The following NFATC4 variants were observed in gnomAD, a reference collection of about 807,000 sequenced individuals.
The protein encoded by NFATC4 is nuclear factor of activated T-cells, cytoplasmic 4.
A neutral mutation model predicts 73.4 loss-of-function variants in NFATC4; 25 were observed. That is an observed-to-expected ratio of 0.34 (90% CI 0.25 to 0.48). NFATC4 has a LOEUF of 0.48. NFATC4 is among the 20% of genes least tolerant of loss of function. The pLI is 0.99. For missense variants in NFATC4, 1,130 were observed against 1,203.7 expected (o/e 0.94, Z 0.91); for synonymous variants, 523 against 510.3 (o/e 1.02, Z -0.34).
chr14:24,368,133 G>C (rs1258606291), upstream of NFATC4: 10 of 1,055,706 alleles, frequency 9.5e-6, no homozygotes, highest in Non-Finnish European at 1.1e-5. Context: ...GGACAGGCTG[G>C]GGGGGGGACC....
At position 24,368,456 on chromosome 14, in the gene NFATC4, G is replaced by A. The variant is rs2042366022; in HGVS notation, c.100+16G>A. On this transcript the variant is annotated intron_variant, in intron 1 of 9. Transcript: ENST00000250373. ...TTGGGGGAAGGTTAGTGCTGGGCTG[G>A]GAAGGGGTCTTGGGGTCAGTGAGAG... 1 of 1,301,640 alleles carries A rather than the reference G, an allele frequency of 7.7e-7. No homozygotes were observed. The highest frequency in any genetic ancestry group is 1.5e-5 in the African/African-American group (1 of 65,022). The allele number at this position is 1,301,640 out of a possible 1,614,324, so 80.6% of individuals were successfully genotyped here. A position where few individuals can be genotyped will look rare whatever the true frequency, so the allele number is the denominator to read the frequency against.
rs1354338237 is a variant in NFATC4 at position 24,372,661 on chromosome 14, A to G, written c.1359+58A>G. The G allele has an allele frequency of 4.4e-6, 7 of 1,597,472 alleles. No homozygotes were observed. In the East Asian group the frequency reaches 9.0e-5, roughly 20 times the overall value. ...CTCCTCTCCCAGATAGGTTCCAGCT[A>G]TGCAGACACATGGCACTGCCCTTTC... On this transcript the variant is annotated intron_variant, in intron 3 of 9. Transcript: ENST00000250373.
At chr14:24,367,174 C>T (rs974806451), upstream of NFATC4, 2 of 1,613,826 alleles carry the variant, frequency 1.2e-6, no homozygotes, top group Non-Finnish European at 1.7e-6. Flanking sequence ...CTGACTTTCC[C>T]GGAAACTCCA....
At chr14:24,367,663 G>T, upstream of NFATC4, 1 of 1,535,816 alleles carries the variant, frequency 6.5e-7, no homozygotes, top group Non-Finnish European at 8.7e-7. Context: ...GGCAAGGGAG[G>T]CGGAAGAATA....
rs2042360502 is a variant in NFATC4 at position 24,368,271 on chromosome 14, TGAAGA to T, written c.-69_-65del. On this transcript the variant is annotated 5_prime_UTR_variant, in exon 1 of 10. Coordinates refer to ENST00000250373, the MANE Select transcript of NFATC4 (RefSeq NM_004554.5). ...AAAGGGAGGGAGGGAGCCACCCGGG[TGAAGA>T]TACAGCAGCCTCCTGAACTCCCCCC... The T allele has an allele frequency of 7.4e-7, 1 of 1,357,142 alleles. No homozygotes were observed. Among genetic ancestry groups the T allele is most frequent in the African/African-American group, 1.5e-5 (1 of 64,592 alleles). 84.1% of individuals were successfully genotyped at this position (1,357,142 alleles called of 1,614,324 possible). A position where few individuals can be genotyped will look rare whatever the true frequency, so the allele number is the denominator to read the frequency against.
chr14:24,376,588 C>A lies in NFATC4; in HGVS notation c.2351C>A (p.Pro784His), dbSNP rs1390293423. Residue 784 changes from proline to histidine, a missense_variant, in exon 9 of 10, where the codon CCC (proline) becomes CAC (histidine). Pro to His is a moderately conservative substitution (Grantham distance 77, BLOSUM62 -2). Transcript: ENST00000250373. The surrounding 1 kb of genome is among the most constrained non-coding windows in gnomAD (Gnocchi z 5.0). ...CAACCACCTGCAGTTTCCTTCCTTC[C>A]CCGCCCCTTCCCTAGTGACCCGTAT... ...CAQPPAVSFL[P>H]RPFPSDPYGG... The A allele has an allele frequency of 1.9e-6, 3 of 1,613,812 alleles. No homozygotes were observed. Among genetic ancestry groups the A allele is most frequent in the African/African-American group, 1.3e-5 (1 of 74,870 alleles).
At chr14:24,372,852 C>T (rs879583233) in intron 3 of NFATC4, 1 of 610,074 alleles carries the variant, frequency 1.6e-6, no homozygotes, top group South Asian at 2.0e-5. Flanking sequence ...AAAATGGTGG[C>T]CCGCCAGATA....
rs1483174921 is a variant in NFATC4 at position 24,375,674 on chromosome 14, T to C, written c.1888T>C (p.Trp630Arg). The change falls in exon 7 of 10, where the codon TGG (tryptophan) becomes CGG (arginine). Residue 630 changes from tryptophan (W) to arginine (R), a missense_variant. This residue lies in a region of NFATC4 where 390 missense variants were observed against 408.1 expected (regional missense o/e 0.96). Coordinates refer to ENST00000250373, the MANE Select transcript of NFATC4 (RefSeq NM_004554.5). ...CCTCTGGACAGATGGGAAGCTGCAA[T>C]GGGAGGAGGAGGCCACAGTGAACCG... ...IERGPDGKLQWEEEATVNRLQ... is the reference protein window; with the variant it reads ...IERGPDGKLQREEEATVNRLQ... 3.3e-6 allele frequency: 5 copies of C among 1,515,586 alleles called. No homozygotes were observed. Among genetic ancestry groups the C allele is most frequent in the Non-Finnish European group, 4.4e-6 (5 of 1,135,512 alleles). 93.9% of individuals were successfully genotyped at this position (1,515,586 alleles called of 1,614,324 possible).
intron 1 of NFATC4, 130 bp downstream of exon 1, chr14:24,368,570 G>T (rs953331591): frequency 5.7e-5 from 52 of 910,722 alleles, no homozygotes; most frequent in Admixed American, 4.1e-4. Flanking sequence ...GAGTCGGGGG[G>T]ACTCGTTGGC....
chr14:24,372,757 C>A, intron 3 of NFATC4, 154 bp downstream of exon 3: 2 of 896,830 alleles, frequency 2.2e-6, no homozygotes, highest in Non-Finnish European at 1.7e-6. Flanking sequence ...AGGAGGGGTG[C>A]AAGGACCCGG....
Position 24,376,910 on chromosome 14 carries a change from G to A in NFATC4, c.2641+32G>A, listed in dbSNP as rs776685584. The A allele has an allele frequency of 6.5e-5, 98 of 1,510,660 alleles. No homozygotes were observed. The highest frequency in any genetic ancestry group is 8.3e-5 in the Non-Finnish European group (94 of 1,132,506). 93.6% of individuals were successfully genotyped at this position (1,510,660 alleles called of 1,614,324 possible). On this transcript the variant is annotated intron_variant, in intron 9 of 9. Transcript: ENST00000250373. The surrounding 1 kb of genome is among the most constrained non-coding windows in gnomAD (Gnocchi z 5.0). ...GTGGGACTGGGGGCTGTGAGTGTGA[G>A]TGTGTGCAAGAGATTGCTCTGCATG...
rs376223190 is a variant in NFATC4, at chr14:24,373,153, G to A, written c.1360-18G>A. 4.2e-5 allele frequency: 68 copies of A among 1,611,052 alleles called. No individual in the cohort carries two copies. Among genetic ancestry groups the A allele is most frequent in the African/African-American group, 6.7e-5 (5 of 74,838 alleles). Reference sequence around the variant, plus strand: ...CGGTGGGGATTTCAATGAGGTGGCCGCTCTCTCCCTCTGCCAGCTCCTAGG... The same window carrying A: ...CGGTGGGGATTTCAATGAGGTGGCCACTCTCTCCCTCTGCCAGCTCCTAGG... On this transcript the variant is annotated intron_variant, in intron 3 of 9. Transcript: ENST00000250373. The surrounding 1 kb of genome is among the most constrained non-coding windows in gnomAD (Gnocchi z 4.7).
chr14:24,375,729 T>C lies in NFATC4; in HGVS notation c.1929+14T>C, dbSNP rs769061518. 7 of 1,538,118 alleles carry C rather than the reference T, an allele frequency of 4.6e-6. No individual in the cohort carries two copies. The South Asian group carries it at 8.3e-5, about 18-fold the overall frequency. Reference sequence around the variant, plus strand: ...CAGAGCAACGAGGTACCAGTGTCACTTGGATACCTCCTGGGGGGCGGGGGT... The same window carrying C: ...CAGAGCAACGAGGTACCAGTGTCACCTGGATACCTCCTGGGGGGCGGGGGT... On this transcript the variant is annotated intron_variant, in intron 7 of 9. Coordinates refer to ENST00000250373, the MANE Select transcript of NFATC4 (RefSeq NM_004554.5).
In NFATC4 at chr14:24,368,408, C is replaced by A. The variant is rs775812863; in HGVS notation, c.68C>A (p.Ala23Asp). Residue 23 changes from alanine (A) to aspartate (D), a missense_variant, in exon 1 of 10, where the codon GCC becomes GAC. This residue lies in a region of NFATC4 where 585 missense variants were observed against 574.3 expected (regional missense o/e 1.02). Coordinates refer to ENST00000250373, the MANE Select transcript of NFATC4 (RefSeq NM_004554.5). ...FKLVFGEEKEAPPLGAGGLGE... is the reference protein window; with the variant it reads ...FKLVFGEEKEDPPLGAGGLGE... ...CTGGTGTTCGGGGAGGAAAAGGAGG[C>A]CCCCCCGCTGGGCGCGGGGGGATTG... is the stretch of plus-strand genomic sequence containing the variant. 9 of 1,345,382 alleles carry A rather than the reference C, an allele frequency of 6.7e-6. No individual in the cohort carries two copies. In the East Asian group the frequency reaches 2.1e-4, roughly 32 times the overall value. The allele number at this position is 1,345,382 out of a possible 1,614,324, so 83.3% of individuals were successfully genotyped here.
Position 24,373,612 on chromosome 14 carries a change from G to A in NFATC4, c.1560-83G>A. On this transcript the variant is annotated intron_variant, in intron 4 of 9. Coordinates refer to ENST00000250373, the MANE Select transcript of NFATC4 (RefSeq NM_004554.5). The surrounding 1 kb of genome is among the most constrained non-coding windows in gnomAD (Gnocchi z 4.7). ...CGAAAGTCATTCAAGGCTTTGGATG[G>A]AGGGCGGGAACTTCCCTCTTTAGGG... The A allele has an allele frequency of 6.5e-7, 1 of 1,537,624 alleles. No homozygotes were observed. The highest frequency in any genetic ancestry group is 8.8e-7 in the Non-Finnish European group (1 of 1,138,858).
At chr14:24,367,277 A>C, upstream of NFATC4, 1 of 1,587,864 alleles carries the variant, frequency 6.3e-7, no homozygotes, top group South Asian at 1.1e-5. Flanking sequence ...AGGGGAACCC[A>C]CAGGGTCCGG....
Position 24,376,718 on chromosome 14 carries a change from T to C in NFATC4, c.2481T>C (p.Pro827=), listed in dbSNP as rs199748006. 8.4e-5 allele frequency: 135 copies of C among 1,613,934 alleles called. No homozygotes were observed. The highest frequency in any genetic ancestry group is 1.1e-4 in the Non-Finnish European group (127 of 1,179,950). The change falls in exon 9 of 10, where the codon CCT becomes CCC. Residue 827 remains proline (P), a synonymous_variant. Transcript: ENST00000250373. The surrounding 1 kb of genome is among the most constrained non-coding windows in gnomAD (Gnocchi z 5.0). Reference sequence around the variant, plus strand: ...CCCCACCGCTTGAAGGCCCCTTCCCTTCCCAGAGTGATGTGCATCCCCTAC... The same window carrying C: ...CCCCACCGCTTGAAGGCCCCTTCCCCTCCCAGAGTGATGTGCATCCCCTAC... ...PASPPLEGPF[P]SQSDVHPLPA...
chr14:24,368,929 C>T (rs2042383247), intron 1 of NFATC4: 1 of 580,428 alleles, frequency 1.7e-6, no homozygotes, highest in Non-Finnish European at 2.2e-6. Flanking sequence ...CCGCCGCTCG[C>T]ACGAATCCGC....
chr14:24,369,233 C>G, intron 1 of NFATC4: 6 of 1,536,066 alleles, frequency 3.9e-6, no homozygotes, highest in Non-Finnish European at 5.2e-6. Flanking sequence ...CCCCTCTGGA[C>G]CCACCTCTCT....
Sources: allele counts gnomAD v4.1 joint callset, GRCh38; gene constraint gnomAD v4.1.1; regional missense constraint gnomAD v4.1.1; non-coding constraint Gnocchi (gnomAD v3.1); transcripts MANE v1.5; gene names NCBI Gene and HGNC (gene_info 2026-07-23, HGNC 2026-07-21).